ATAD5: variants seen among roughly 807,000 people sequenced by gnomAD.
ATAD5 encodes ATPase family AAA domain containing 5.
In ATAD5, 58 loss-of-function variants were observed where a neutral mutation model predicts 176.9. The ratio of observed to expected loss-of-function variants is 0.33; its 90% CI spans 0.27 to 0.41. The LOEUF is 0.41. ATAD5 is among the 10% of genes least tolerant of loss of function. The pLI is 1.00. For missense variants in ATAD5, 1,789 were observed against 2,094.1 expected, an observed-to-expected ratio of 0.85 and a Z score of 2.84; for synonymous variants, 640 against 712.6, an observed-to-expected ratio of 0.90 and a Z score of 1.62.
In ATAD5 at chr17:30,892,593, C is replaced by A; in HGVS notation, c.4259-14C>A. The A allele has an allele frequency of 1.3e-6, 2 of 1,527,500 alleles. No homozygotes were observed. Among genetic ancestry groups the A allele is most frequent in the Middle Eastern group, 1.8e-4 (1 of 5,618 alleles). 94.6% of individuals were successfully genotyped at this position (1,527,500 alleles called of 1,614,324 possible). A position where few individuals can be genotyped will look rare whatever the true frequency, so the allele number is the denominator to read the frequency against. Reference sequence around the variant, plus strand: ...AATACATATATAGAGCTAAGATTTTCTTTTATTTTGTAGGTGGAAATAGCA... The same window carrying A: ...AATACATATATAGAGCTAAGATTTTATTTTATTTTGTAGGTGGAAATAGCA... On this transcript the variant is annotated splice_polypyrimidine_tract_variant and intron_variant, in intron 19 of 22. Transcript: ENST00000321990.
chr17:30,865,942 T>TA, intron 11 of ATAD5, 142 bp downstream of exon 11: 2 of 508,834 alleles, frequency 3.9e-6, no homozygotes, highest in Non-Finnish European at 6.7e-6. Context: ...AAAGTAGCCC[T>TA]CTTTTCTTAC....
chr17:30,836,852 G>A (rs546154629), intron 2 of ATAD5, among the ~76,000 whole-genome samples: 1 of 152,306 alleles, frequency 6.6e-6, no homozygotes, highest in South Asian at 2.1e-4. Flanking sequence ...ACAGGTGTGA[G>A]CCACCACACC....
rs1274796813 is a variant in ATAD5, at chr17:30,832,387, C to T, written c.40C>T (p.Pro14Ser). 3.2e-6 allele frequency: 5 copies of T among 1,560,732 alleles called. No homozygotes were observed. The highest frequency in any genetic ancestry group is 2.8e-5 in the African/African-American group (2 of 71,576). The change falls in exon 1 of 23, where the codon CCT (proline) becomes TCT (serine). Residue 14 changes from proline to serine, a missense_variant. By Grantham distance (74) the Pro-to-Ser change is moderately conservative (BLOSUM62 -1). This residue lies in a region of ATAD5 where 696 missense variants were observed against 712.5 expected (regional missense o/e 0.98). Transcript: ENST00000321990. ...GGCCATGGCGGCTGCAGCTGCTCCG[C>T]CTCCCGTGAAGGACTGCGAGATTGA... ...VLAMAAAAAP[P>S]PVKDCEIEPC...
chr17:30,890,418 CTTTTTTTTTTTT>C (rs968126768), intron 19 of ATAD5, among the ~76,000 whole-genome samples: 1 of 106,722 alleles, frequency 9.4e-6, no homozygotes, highest in Non-Finnish European at 1.9e-5. Flanking sequence ...CTCTTCTTTT[CTTTTTTTTTTTT>C]TTTTTTTTTG....
intron 18 of ATAD5, among the ~76,000 whole-genome samples, chr17:30,884,424 C>CTTTTTTT (rs61664127): frequency 6.8e-4 from 55 of 80,948 alleles, no homozygotes; most frequent in African/African-American, 2.5e-3. Context: ...CTTTTCTTTT[C>CTTTTTTT]TTTTTTTTTT....
intron 6 of ATAD5, among the ~76,000 whole-genome samples, chr17:30,854,407 T>C (rs1907169262): frequency 7.2e-6 from 1 of 138,590 alleles, no homozygotes; most frequent in Admixed American, 8.0e-5. Context: ...AGTCTCCCTC[T>C]TTCACCCAGG....
chr17:30,882,138 C>A (rs1567697944), intron 18 of ATAD5, among the ~76,000 whole-genome samples: 1 of 151,900 alleles, frequency 6.6e-6, no homozygotes, highest in Non-Finnish European at 1.5e-5. Flanking sequence ...TGCCTGTAAT[C>A]CCAGCTACTC....
At chr17:30,847,011 GC>G (rs1446817734) in intron 6 of ATAD5, among the ~76,000 whole-genome samples, 2 of 152,078 alleles carry the variant, frequency 1.3e-5, no homozygotes, top group South Asian at 2.1e-4. Context: ...GAGCCACCGT[GC>G]CTGGCCCACA....
chr17:30,848,002 G>T (rs1439014214), intron 6 of ATAD5, among the ~76,000 whole-genome samples: 1 of 152,050 alleles, frequency 6.6e-6, no homozygotes, highest in Non-Finnish European at 1.5e-5. Context: ...TTACAAGCGC[G>T]AGCCACCGCG....
rs1283330122 is a variant in ATAD5, at chr17:30,835,080, CA to C, written c.1004del (p.Lys335ArgfsTer10). ...TTGCACAGGTTCACCCTATTCCGCC[CA>C]AAAAGACAGGGAAAATACCCCGAAT... Reference protein sequence around the residue: ...VLAQVHPIPPKKTGKIPRIFL... With the variant: ...VLAQVHPIPPXKTGKIPRIFL... On this transcript the variant is annotated frameshift_variant, in exon 2 of 23. Coordinates refer to ENST00000321990, the MANE Select transcript of ATAD5 (RefSeq NM_024857.5). LOFTEE classifies it high-confidence loss of function. 1.2e-6 allele frequency: 2 copies of C among 1,613,714 alleles called. No homozygotes were observed. The highest frequency in any genetic ancestry group is 2.7e-5 in the African/African-American group (2 of 74,844).
At chr17:30,887,463 TC>T in intron 19 of ATAD5, 91 bp downstream of exon 19, 2 of 1,088,424 alleles carry the variant, frequency 1.8e-6, no homozygotes, top group South Asian at 2.9e-5. Flanking sequence ...ATGCCTGTAA[TC>T]CCAGCACTTT....
At position 30,869,309 on chromosome 17, in the gene ATAD5, C is replaced by T. The variant is rs1284714680; in HGVS notation, c.3375C>T (p.Cys1125=). Residue 1125 remains cysteine, a synonymous_variant, in exon 13 of 23, where the codon TGC becomes TGT. Transcript: ENST00000321990. The part of the protein sequence containing the change: ...SSDDEEESRL[C]NTVLITGPTG... Reference sequence around the variant, plus strand: ...ATGATGAAGAAGAGAGTCGTCTTTGCAATACTGTCCTTATAACAGGGCCAA... The same window carrying T: ...ATGATGAAGAAGAGAGTCGTCTTTGTAATACTGTCCTTATAACAGGGCCAA... The T allele has an allele frequency of 6.2e-7, 1 of 1,613,758 alleles. No individual in the cohort carries two copies. Among genetic ancestry groups the T allele is most frequent in the African/African-American group, 1.3e-5 (1 of 74,830 alleles).
intron 3 of ATAD5, among the ~76,000 whole-genome samples, chr17:30,839,575 ATCT>A (rs1204913614): frequency 2.5e-5 from 3 of 122,242 alleles, no homozygotes; most frequent in Non-Finnish European, 3.3e-5. Flanking sequence ...GCACCCGGCC[ATCT>A]TCTTTTTTTT....
intron 6 of ATAD5, among the ~76,000 whole-genome samples, chr17:30,850,602 G>A (rs1416122654): frequency 7.3e-5 from 11 of 151,246 alleles, no homozygotes; most frequent in African/African-American, 2.4e-4. Flanking sequence ...CCACATAAGA[G>A]TGAGAACATG....
intron 14 of ATAD5, among the ~76,000 whole-genome samples, chr17:30,874,553 A>C (rs1908543917): frequency 6.6e-6 from 1 of 150,572 alleles, no homozygotes; most frequent in Non-Finnish European, 1.5e-5. Context: ...AGAAACAAAA[A>C]AAAAAAAAAA....
intron 4 of ATAD5, among the ~76,000 whole-genome samples, chr17:30,843,540 C>T (rs996898195): frequency 6.6e-6 from 1 of 151,754 alleles, no homozygotes; most frequent in Non-Finnish European, 1.5e-5. Context: ...ATCCCAGCTA[C>T]TTGGGAGGCT....
At chr17:30,865,632 G>T in intron 10 of ATAD5, 72 bp from the exon 11 acceptor site, 1 of 898,924 alleles carries the variant, frequency 1.1e-6, no homozygotes, top group Non-Finnish European at 1.6e-6. Context: ...TAACAATAAT[G>T]TAAATGACTA....
At chr17:30,844,122 T>C in intron 5 of ATAD5, 83 bp downstream of exon 5, 1 of 920,008 alleles carries the variant, frequency 1.1e-6, no homozygotes, top group Non-Finnish European at 1.5e-6. Flanking sequence ...TTCTGGGGTA[T>C]TTATTTATTT....
chr17:30,852,551 A>G (rs1433784748), intron 6 of ATAD5, among the ~76,000 whole-genome samples: 1 of 152,188 alleles, frequency 6.6e-6, no homozygotes, highest in Non-Finnish European at 1.5e-5. Flanking sequence ...CGAATACCTA[A>G]GACTCGGTAA....
Sources: gnomAD v4.1 joint callset for allele counts (sites outside exome capture counted in the v4.1 genomes callset) on GRCh38, gnomAD v4.1.1 for gene constraint, gnomAD v4.1.1 regional missense constraint, MANE v1.5 for transcripts, NCBI Gene and HGNC (gene_info 2026-07-23, HGNC 2026-07-21) for gene names.